The following AIG1 variants were observed in gnomAD, a reference collection of about 807,000 sequenced individuals.
AIG1 encodes androgen-induced gene 1 protein.
Under a neutral mutation model 31.4 loss-of-function variants are expected in AIG1, and 23 were observed. The observed-to-expected ratio is 0.73, with a 90% CI of 0.53 to 1.04. AIG1 has a LOEUF of 1.04. Among genes scored for constraint, AIG1 ranks in the 50% least tolerant of loss-of-function variants. AIG1 has a pLI of 0.00. For synonymous variants in AIG1, 100 were observed against 110.5 expected (o/e 0.90, Z 0.60); for missense variants, 274 against 295.0 (o/e 0.93, Z 0.52).
At position 143,297,556 on chromosome 6, in the gene AIG1, G is replaced by A. The variant is rs1050520673; in HGVS notation, c.515+13331G>A. 4.0e-5 allele frequency among the ~76,000 whole-genome samples: 6 copies of A among 151,788 alleles called. No individual in the cohort carries two copies. The highest frequency in any genetic ancestry group is 2.6e-4 in the Admixed American group (4 of 15,226). ...TGGGTGGTTGGATGGCTGGGTGATT[G>A]GATGGTTGGGTGGTTGGTTGGGTGG... On this transcript the variant is annotated intron_variant, in intron 4 of 5. Coordinates refer to ENST00000357847, the MANE Select transcript of AIG1 (RefSeq NM_016108.4). This position sits in a 1 kb window ranked among gnomAD's most constrained non-coding sequence, Gnocchi z 5.1.
intron 4 of AIG1, among the ~76,000 whole-genome samples, chr6:143,294,605 C>T (rs930045062): frequency 3.3e-5 from 5 of 152,210 alleles, no homozygotes; most frequent in African/African-American, 1.2e-4. Flanking sequence ...GTAACTCACA[C>T]AGAGAATGTA....
chr6:143,076,516 A>T (rs145262913), intron 1 of AIG1, among the ~76,000 whole-genome samples: 13 of 152,246 alleles, frequency 8.5e-5, no homozygotes, highest in African/African-American at 2.6e-4. Flanking sequence ...TTTAAAGTTT[A>T]ATTTGATAAT....
At chr6:143,343,835 C>G (rs896654008), downstream of AIG1, among the ~76,000 whole-genome samples, 7 of 152,120 alleles carry the variant, frequency 4.6e-5, no homozygotes, top group Admixed American at 1.3e-4. Context: ...GGTATTAAGA[C>G]TAGTACCTAT....
In AIG1 at chr6:143,330,466, A is replaced by G. The variant is rs1056295526; in HGVS notation, c.516-2816A>G. Among the ~76,000 whole-genome samples the G allele has an allele frequency of 2.6e-5, 4 of 152,162 alleles. No homozygotes were observed. Among genetic ancestry groups the G allele is most frequent in the African/African-American group, 9.7e-5 (4 of 41,450 alleles). On this transcript the variant is annotated intron_variant, in intron 4 of 5. Coordinates refer to ENST00000357847, the MANE Select transcript of AIG1 (RefSeq NM_016108.4). This position sits in a 1 kb window ranked among gnomAD's most constrained non-coding sequence, Gnocchi z 4.4. ...GAATAATACAAAAGCCTGGAGGCAG[A>G]GAGAGCTTAGAGTGTTCGAGGAACA...
chr6:143,272,885 C>T (rs1796630368), intron 3 of AIG1, among the ~76,000 whole-genome samples: 1 of 152,156 alleles, frequency 6.6e-6, no homozygotes, highest in Non-Finnish European at 1.5e-5. Flanking sequence ...GATCCCAGCA[C>T]TTTGGGAGGC....
At chr6:143,187,819 C>T (rs1055976668) in intron 3 of AIG1, 12 of 1,478,238 alleles carry the variant, frequency 8.1e-6, no homozygotes, top group East Asian at 2.5e-5. Flanking sequence ...TGATGAAATA[C>T]GGGCCTTCAA....
chr6:143,232,565 C>T (rs1308684353), intron 3 of AIG1, among the ~76,000 whole-genome samples: 1 of 152,182 alleles, frequency 6.6e-6, no homozygotes, highest in Non-Finnish European at 1.5e-5. Flanking sequence ...CCCCTAAACT[C>T]TAGATAATAA....
At chr6:143,342,322 G>A (rs531596649), downstream of AIG1, 2 of 677,136 alleles carry the variant, frequency 3.0e-6, no homozygotes, top group East Asian at 5.4e-5. Flanking sequence ...AGCAGCAGCT[G>A]CGAGGAGCTC....
intron 2 of AIG1, among the ~76,000 whole-genome samples, chr6:143,138,196 T>G (rs1394829673): frequency 6.6e-6 from 1 of 152,212 alleles, no homozygotes; most frequent in Non-Finnish European, 1.5e-5. Context: ...CTCTGAAAAC[T>G]TAAATAAATG....
At chr6:143,264,704 C>G (rs1051513581) in intron 3 of AIG1, among the ~76,000 whole-genome samples, 1 of 152,176 alleles carries the variant, frequency 6.6e-6, no homozygotes, top group African/African-American at 2.4e-5. Flanking sequence ...ATTTATGTGC[C>G]TTACCAAAAA....
chr6:143,277,949 A>C (rs1428639917), intron 3 of AIG1, among the ~76,000 whole-genome samples: 2 of 152,242 alleles, frequency 1.3e-5, no homozygotes, highest in African/African-American at 4.8e-5. Context: ...CCCCTAATTC[A>C]TCCGTCTGAC....
At chr6:143,221,192 T>C (rs909864754) in intron 3 of AIG1, among the ~76,000 whole-genome samples, 2 of 152,320 alleles carry the variant, frequency 1.3e-5, no homozygotes, top group African/African-American at 4.8e-5. Flanking sequence ...GAAATTGGGT[T>C]GTCACCACTG....
Position 143,186,930 on chromosome 6 carries a change from C to G in AIG1, c.399+21747C>G, listed in dbSNP as rs77817279. The G allele has an allele frequency of 7.9e-3, 1,358 of 171,580 alleles. 13 individuals are homozygous for G. Among genetic ancestry groups the G allele is most frequent in the African/African-American group, 0.031 (1,273 of 41,696 alleles). The allele number at this position is 171,580 out of a possible 1,614,324, so 10.6% of individuals were successfully genotyped here. ...ATTCACAAGGTTGCCCTTGCAAGTA[C>G]AGAATACCGTGCCTGCCACACAGTA... On this transcript the variant is annotated intron_variant, in intron 3 of 5. Coordinates refer to ENST00000357847, the MANE Select transcript of AIG1 (RefSeq NM_016108.4).
rs891509396 is a variant in AIG1 at position 143,280,453 on chromosome 6, G to A, written c.400-3657G>A. 2.0e-5 allele frequency among the ~76,000 whole-genome samples: 3 copies of A among 152,100 alleles called. No individual in the cohort carries two copies. Among genetic ancestry groups the A allele is most frequent in the African/African-American group, 7.2e-5 (3 of 41,422 alleles). ...TCATTGCAGCACCACTCACAATAGC[G>A]AAAACATGGAATCAACCTAAATGCC... On this transcript the variant is annotated intron_variant, in intron 3 of 5. Transcript: ENST00000357847. This position sits in a 1 kb window ranked among gnomAD's most constrained non-coding sequence, Gnocchi z 4.1.
intron 4 of AIG1, among the ~76,000 whole-genome samples, chr6:143,317,359 A>G (rs764408696): frequency 6.6e-6 from 1 of 152,176 alleles, no homozygotes; most frequent in Admixed American, 6.5e-5. Flanking sequence ...ACATACACAT[A>G]TCAGTAAATG....
intron 4 of AIG1, among the ~76,000 whole-genome samples, chr6:143,312,264 G>T (rs1775347091): frequency 6.6e-6 from 1 of 152,050 alleles, no homozygotes; most frequent in Admixed American, 6.6e-5. Flanking sequence ...GCTATCTTGA[G>T]CAAAAAGAGC....
At chr6:143,156,955 A>C (rs1381015247) in intron 2 of AIG1, among the ~76,000 whole-genome samples, 3 of 152,254 alleles carry the variant, frequency 2.0e-5, no homozygotes, top group African/African-American at 7.2e-5. Context: ...AGTCCTATGC[A>C]CTGGCCAATG....
chr6:143,086,778 T>C (rs1174424556), intron 1 of AIG1, among the ~76,000 whole-genome samples: 1 of 152,150 alleles, frequency 6.6e-6, no homozygotes, highest in Admixed American at 6.5e-5. Flanking sequence ...GGGCTATACT[T>C]TCAAGAAAGT....
rs139584547 is a variant in AIG1 at position 143,168,434 on chromosome 6, T to G, written c.399+3251T>G. Among the ~76,000 whole-genome samples, 465 of 124,578 alleles carry G rather than the reference T, an allele frequency of 3.7e-3. 1 individual carries two copies. The highest frequency in any genetic ancestry group is 0.013 in the African/African-American group (446 of 33,302). 81.7% of individuals were successfully genotyped at this position (124,578 alleles called of 152,430 possible). On this transcript the variant is annotated intron_variant, in intron 3 of 5. Coordinates refer to ENST00000357847, the MANE Select transcript of AIG1 (RefSeq NM_016108.4). ...CCCCCCACCCCACAACAGGCCCCAGTGTGTGATGTTCTCCTTCCTGTGTCC... is the reference window on the plus strand; with the variant it reads ...CCCCCCACCCCACAACAGGCCCCAGGGTGTGATGTTCTCCTTCCTGTGTCC...
Sources: allele counts gnomAD v4.1 joint callset (sites outside exome capture counted in the v4.1 genomes callset), GRCh38; gene constraint gnomAD v4.1.1; non-coding constraint Gnocchi (gnomAD v3.1); transcripts MANE v1.5; gene names NCBI Gene and HGNC (gene_info 2026-07-23, HGNC 2026-07-21).